The following KANSL1L variants were observed in gnomAD, a reference collection of about 807,000 sequenced individuals.
The protein encoded by KANSL1L is KAT8 regulatory NSL complex subunit 1 like.
A neutral mutation model predicts 108.6 loss-of-function variants in KANSL1L; 25 were observed. That is an observed-to-expected ratio of 0.23 (90% CI 0.17 to 0.32). The LOEUF is 0.32. Ranked by LOEUF, KANSL1L falls within the 10% of genes least tolerant of loss-of-function variation. The pLI, the probability that KANSL1L is intolerant of heterozygous loss-of-function variation, is 1.00. For missense variants in KANSL1L, 1,137 were observed against 1,125.7 expected, an observed-to-expected ratio of 1.01 and a Z score of -0.14; for synonymous variants, 405 against 395.1, an observed-to-expected ratio of 1.03 and a Z score of -0.30.
In KANSL1L at chr2:210,153,937, T is replaced by C. The variant is rs1203984479; in HGVS notation, c.646A>G (p.Lys216Glu). The stretch of plus-strand genomic sequence containing the variant: ...AAACGAGCATGTACTTCCTCCTCTT[T>C]TTCAGCAGCTGAAGAACTAACAGGC... Reference protein sequence around the residue: ...NVPVSSSAAEKEEEVHARLLH... With the variant: ...NVPVSSSAAEEEEEVHARLLH... Residue 216 changes from lysine to glutamate, a missense_variant, in exon 2 of 15, where the codon AAA becomes GAA. By Grantham distance (56) the Lys-to-Glu change is moderately conservative (BLOSUM62 1). This residue lies in a region of KANSL1L where 556 missense variants were observed against 537.7 expected (regional missense o/e 1.03). Transcript: ENST00000281772. The C allele has an allele frequency of 6.2e-7, 1 of 1,613,594 alleles. No individual in the cohort carries two copies. The highest frequency in any genetic ancestry group is 8.5e-7 in the Non-Finnish European group (1 of 1,180,004).
intron 4 of KANSL1L, among the ~76,000 whole-genome samples, chr2:210,102,909 C>T (rs1047323142): frequency 8.5e-5 from 13 of 152,224 alleles, no homozygotes; most frequent in South Asian, 6.2e-4. Flanking sequence ...GACAGTGTGG[C>T]GATTCCTCGA....
intron 2 of KANSL1L, among the ~76,000 whole-genome samples, chr2:210,129,891 T>A (rs1262810604): frequency 1.3e-5 from 2 of 151,734 alleles, no homozygotes; most frequent in African/African-American, 4.8e-5. Flanking sequence ...CTCCTCCTAG[T>A]ACCTCTTGTC....
intron 12 of KANSL1L, among the ~76,000 whole-genome samples, chr2:210,026,872 G>T (rs975549853): frequency 2.0e-5 from 3 of 152,098 alleles, no homozygotes; most frequent in Admixed American, 1.3e-4. Context: ...CCGGGTTCAC[G>T]CTATTCTCCT....
At chr2:210,098,645 G>T (rs2094762301) in intron 4 of KANSL1L, among the ~76,000 whole-genome samples, 1 of 152,050 alleles carries the variant, frequency 6.6e-6, no homozygotes, top group South Asian at 2.1e-4. Flanking sequence ...TAGAGGTACT[G>T]ACATCACTAT....
intron 6 of KANSL1L, among the ~76,000 whole-genome samples, chr2:210,065,163 G>T (rs1282350181): frequency 6.6e-6 from 1 of 151,192 alleles, no homozygotes; most frequent in Non-Finnish European, 1.5e-5. Flanking sequence ...TGTGGTGGTG[G>T]TGCCTGTAAT....
chr2:210,096,421 T>C lies in KANSL1L; in HGVS notation c.1550+1665A>G, dbSNP rs995644731. The C allele has an allele frequency of 1.3e-4, 113 of 855,022 alleles. 1 individual carries two copies. The highest frequency in any genetic ancestry group is 1.5e-4 in the Non-Finnish European group (109 of 710,978). 53.0% of individuals were successfully genotyped at this position (855,022 alleles called of 1,614,324 possible). On this transcript the variant is annotated intron_variant, in intron 5 of 14. Coordinates refer to ENST00000281772, the MANE Select transcript of KANSL1L (RefSeq NM_152519.4). ...TATTTGTGTCCCTAGGACTTGACTA[T>C]GTGGCATACAATAAATAATTATGCA...
Position 210,029,890 on chromosome 2 carries a change from A to G in KANSL1L, c.2184T>C (p.Asp728=), listed in dbSNP as rs752213600. 1 of 1,603,202 alleles carries G rather than the reference A, an allele frequency of 6.2e-7. No homozygotes were observed. The highest frequency in any genetic ancestry group is 1.1e-5 in the South Asian group (1 of 90,048). The change falls in exon 10 of 15, where the codon GAT becomes GAC. Residue 728 remains aspartate, a synonymous_variant. Coordinates refer to ENST00000281772, the MANE Select transcript of KANSL1L (RefSeq NM_152519.4). ...GGGATCCTGATTCTGTGTGTTGAAAATCAGATTCTTCAAGTTTAGTTCTTT... is the reference window on the plus strand; with the variant it reads ...GGGATCCTGATTCTGTGTGTTGAAAGTCAGATTCTTCAAGTTTAGTTCTTT... The part of the protein sequence containing the change: ...LGERTKLEES[D]FQHTESGSHS...
chr2:210,129,538 G>C (rs1452634499), intron 2 of KANSL1L, among the ~76,000 whole-genome samples: 1 of 152,156 alleles, frequency 6.6e-6, no homozygotes, highest in Non-Finnish European at 1.5e-5. Context: ...TTATACGTAA[G>C]TAGATGTCAA....
chr2:210,043,954 G>T lies in KANSL1L; in HGVS notation c.1906C>A (p.Leu636Ile). 6.3e-7 allele frequency: 1 copy of T among 1,595,810 alleles called. No homozygotes were observed. The highest frequency in any genetic ancestry group is 1.1e-5 in the South Asian group (1 of 88,232). Residue 636 changes from leucine to isoleucine, a missense_variant, in exon 7 of 15, where the codon CTA becomes ATA. Coordinates refer to ENST00000281772, the MANE Select transcript of KANSL1L (RefSeq NM_152519.4). ...SELDSSFHSV[L>I]SLPSDVPLHF... Reference sequence around the variant, plus strand: ...GGAGGCTTACCTGATGGCAATGATAGAACAGAATGGAAAGAGGAATCTAAC... The same window carrying T: ...GGAGGCTTACCTGATGGCAATGATATAACAGAATGGAAAGAGGAATCTAAC...
Position 210,132,107 on chromosome 2 carries a change from C to T in KANSL1L, c.1089-2935G>A, listed in dbSNP as rs139954684. On this transcript the variant is annotated intron_variant, in intron 2 of 14. Transcript: ENST00000281772. ...ACAAAAATGTTTGCTTCCTAGAAAA[C>T]ATGTTTTTCTAAAAAAAATAAGATT... Among the ~76,000 whole-genome samples the T allele has an allele frequency of 2.2e-3, 339 of 152,082 alleles. 4 individuals carry two copies. Among genetic ancestry groups the T allele is most frequent in the African/African-American group, 7.7e-3 (321 of 41,494 alleles).
chr2:210,034,024 A>G (rs1052885740), intron 8 of KANSL1L, among the ~76,000 whole-genome samples: 4 of 151,868 alleles, frequency 2.6e-5, no homozygotes, highest in African/African-American at 7.3e-5. Flanking sequence ...TGCTCTCCCA[A>G]TCCTCTCCTA....
intron 3 of KANSL1L, among the ~76,000 whole-genome samples, chr2:210,125,254 CAAAAG>C (rs941946748): frequency 4.6e-5 from 7 of 151,628 alleles, no homozygotes; most frequent in Admixed American, 2.6e-4. Context: ...AACTCCAACT[CAAAAG>C]AAAAGAAAAG....
At chr2:210,103,951 TA>T (rs2094821087) in intron 4 of KANSL1L, 152 bp downstream of exon 4, 1 of 566,306 alleles carries the variant, frequency 1.8e-6, no homozygotes, top group East Asian at 2.9e-5. Context: ...AGACTGGTCA[TA>T]TGTCAAATAT....
chr2:210,146,008 G>A (rs534016317), intron 2 of KANSL1L, among the ~76,000 whole-genome samples: 3 of 152,130 alleles, frequency 2.0e-5, no homozygotes, highest in African/African-American at 7.2e-5. Flanking sequence ...GGTGGGGGTA[G>A]AGGGTGCAAC....
intron 2 of KANSL1L, among the ~76,000 whole-genome samples, chr2:210,129,645 T>C (rs1166460383): frequency 6.6e-6 from 1 of 152,190 alleles, no homozygotes; most frequent in Non-Finnish European, 1.5e-5. Flanking sequence ...TTTGTTAAAA[T>C]AGGCATCGTT....
chr2:210,096,442 A>G (rs2094736653), intron 5 of KANSL1L: 1 of 958,416 alleles, frequency 1.0e-6, no homozygotes, highest in Admixed American at 6.2e-5. Flanking sequence ...ATAAATAATT[A>G]TGCAATCAAT....
intron 4 of KANSL1L, among the ~76,000 whole-genome samples, chr2:210,103,813 T>C (rs2094819650): frequency 6.6e-6 from 1 of 152,142 alleles, no homozygotes; most frequent in Non-Finnish European, 1.5e-5. Context: ...AATCCAATGA[T>C]AAACAATTTT....
chr2:210,144,203 A>T (rs946297228), intron 2 of KANSL1L, among the ~76,000 whole-genome samples: 1 of 152,110 alleles, frequency 6.6e-6, no homozygotes, highest in Non-Finnish European at 1.5e-5. Context: ...TAACTTCCTG[A>T]GGGTTCCCTT....
chr2:210,036,856 G>A (rs939410596), intron 8 of KANSL1L, among the ~76,000 whole-genome samples: 23 of 151,730 alleles, frequency 1.5e-4, no homozygotes, highest in African/African-American at 4.6e-4. Context: ...TCCCAGGCTC[G>A]GATGATCCTC....
Sources: allele counts gnomAD v4.1 joint callset (sites outside exome capture counted in the v4.1 genomes callset), GRCh38; gene constraint gnomAD v4.1.1; regional missense constraint gnomAD v4.1.1; transcripts MANE v1.5; gene names NCBI Gene and HGNC (gene_info 2026-07-23, HGNC 2026-07-21).